The following TECRL variants were observed in gnomAD, a reference collection of about 807,000 sequenced individuals.
TECRL encodes trans-2,3-enoyl-CoA reductase-like.
A neutral mutation model predicts 52.8 loss-of-function variants in TECRL; 63 were observed. The observed-to-expected ratio is 1.19, with a 90% CI of 0.97 to 1.47. TECRL has a LOEUF of 1.47. TECRL is among the 40% of genes most tolerant of loss of function. The pLI is 0.00. For synonymous variants in TECRL, 164 were observed against 141.9 expected, an observed-to-expected ratio of 1.16 and a Z score of -1.10; for missense variants, 482 against 429.6, an observed-to-expected ratio of 1.12 and a Z score of -1.08.
chr4:64,402,970 T>A (rs1213297287), intron 1 of TECRL, among the ~76,000 whole-genome samples: 2 of 152,098 alleles, frequency 1.3e-5, no homozygotes, highest in Non-Finnish European at 2.9e-5. Context: ...ATATAAGGGA[T>A]ACTTATTGCA....
intron 2 of TECRL, among the ~76,000 whole-genome samples, chr4:64,346,069 C>G: frequency 6.6e-6 from 1 of 151,932 alleles, no homozygotes; most frequent in Non-Finnish European, 1.5e-5. Context: ...ACATTCTTTC[C>G]AGACAAATTT....
intron 11 of TECRL, 145 bp downstream of exon 11, chr4:64,280,896 A>G (rs1162523662): frequency 6.5e-6 from 3 of 464,966 alleles, no homozygotes; most frequent in African/African-American, 6.1e-5. Context: ...ATATTTTAAT[A>G]CTGCTAAAAA....
chr4:64,378,097 T>C (rs1722525908), intron 1 of TECRL, among the ~76,000 whole-genome samples: 1 of 152,030 alleles, frequency 6.6e-6, no homozygotes, highest in Non-Finnish European at 1.5e-5. Flanking sequence ...TAATTAGATA[T>C]AGTGGTGTGA....
intron 1 of TECRL, among the ~76,000 whole-genome samples, chr4:64,393,265 C>T (rs1560554746): frequency 6.6e-6 from 1 of 151,950 alleles, no homozygotes; most frequent in Non-Finnish European, 1.5e-5. Context: ...ACATGCATCA[C>T]TTAGTTTTAC....
chr4:64,352,049 CTTAAG>C (rs1458321296), intron 2 of TECRL, among the ~76,000 whole-genome samples: 2 of 152,120 alleles, frequency 1.3e-5, no homozygotes, highest in African/African-American at 2.4e-5. Flanking sequence ...TTTTCCAATT[CTTAAG>C]TTAAAACTAT....
chr4:64,296,735 A>G (rs1723707912), intron 8 of TECRL, among the ~76,000 whole-genome samples: 1 of 151,622 alleles, frequency 6.6e-6, no homozygotes, highest in African/African-American at 2.4e-5. Flanking sequence ...TGATTTTGGT[A>G]TTTTTATTTG....
At chr4:64,345,685 A>G (rs187287436) in intron 2 of TECRL, among the ~76,000 whole-genome samples, 505 of 151,818 alleles carry the variant, frequency 3.3e-3, no homozygotes, top group African/African-American at 0.012. Flanking sequence ...ATGTACCCTA[A>G]AACTTAAAGT....
intron 2 of TECRL, among the ~76,000 whole-genome samples, chr4:64,341,941 A>G (rs1577903317): frequency 6.6e-6 from 1 of 152,066 alleles, no homozygotes; most frequent in African/African-American, 2.4e-5. Context: ...TCACTCACAC[A>G]CCCTTTGTCA....
chr4:64,406,162 G>A (rs567143966), intron 1 of TECRL, among the ~76,000 whole-genome samples: 6,630 of 149,576 alleles, frequency 0.044, 510 homozygotes, highest in African/African-American at 0.15. Context: ...GCGCGCGCGC[G>A]CGCGTGTGTG....
In TECRL at chr4:64,322,682, CACTT is replaced by C. The variant is rs1163891234; in HGVS notation, c.435+3_435+6del. ...AAATGTATATTACATTTCAAATTAA[CACTT>C]ACTGTGGTCCAACTGACTTGTTGAC... On this transcript the variant is annotated splice_donor_5th_base_variant and intron_variant, in intron 4 of 11. Transcript: ENST00000381210. The C allele has an allele frequency of 6.4e-7, 1 of 1,572,340 alleles. No homozygotes were observed. The highest frequency in any genetic ancestry group is 1.4e-5 in the African/African-American group (1 of 73,274).
chr4:64,398,983 CG>C (rs1724157300), intron 1 of TECRL, among the ~76,000 whole-genome samples: 1 of 152,102 alleles, frequency 6.6e-6, no homozygotes, highest in Non-Finnish European at 1.5e-5. Context: ...CCTAGGGATC[CG>C]TGGAACTTTA....
intron 9 of TECRL, among the ~76,000 whole-genome samples, chr4:64,288,149 T>TAA (rs377628980): frequency 2.9e-5 from 4 of 135,680 alleles, no homozygotes; most frequent in South Asian, 2.3e-4. Flanking sequence ...GACTCCATCT[T>TAA]AAAAAAAAAA....
chr4:64,358,682 T>G (rs1720957530), intron 2 of TECRL, among the ~76,000 whole-genome samples: 1 of 151,688 alleles, frequency 6.6e-6, no homozygotes, highest in Admixed American at 6.6e-5. Flanking sequence ...AAAAATAAAC[T>G]CATTGTATTG....
chr4:64,358,865 A>G (rs765806640), intron 2 of TECRL, among the ~76,000 whole-genome samples: 3 of 151,864 alleles, frequency 2.0e-5, no homozygotes, highest in Non-Finnish European at 4.4e-5. Context: ...TTATCACAGG[A>G]GGAATCTAAG....
intron 1 of TECRL, among the ~76,000 whole-genome samples, chr4:64,391,481 T>G (rs913571691): frequency 6.6e-6 from 1 of 151,890 alleles, no homozygotes; most frequent in Non-Finnish European, 1.5e-5. Flanking sequence ...GGCAAAAAAC[T>G]GTGTCTACCC....
At chr4:64,363,558 G>T (rs1194085537) in intron 2 of TECRL, among the ~76,000 whole-genome samples, 1 of 152,090 alleles carries the variant, frequency 6.6e-6, no homozygotes, top group Non-Finnish European at 1.5e-5. Flanking sequence ...CTCACATTCT[G>T]TATTTGTCCC....
intron 1 of TECRL, among the ~76,000 whole-genome samples, chr4:64,387,432 C>A (rs1185786318): frequency 2.0e-5 from 3 of 152,088 alleles, no homozygotes; most frequent in Non-Finnish European, 4.4e-5. Flanking sequence ...TACCAAGGAG[C>A]ATGACTGCTG....
intron 1 of TECRL, among the ~76,000 whole-genome samples, chr4:64,391,250 C>T (rs900019661): frequency 4.6e-5 from 7 of 151,780 alleles, no homozygotes; most frequent in African/African-American, 1.7e-4. Flanking sequence ...CTTTGGTGAT[C>T]CTATGTAAAA....
intron 1 of TECRL, among the ~76,000 whole-genome samples, chr4:64,382,732 A>T (rs1053350115): frequency 6.6e-6 from 1 of 152,084 alleles, no homozygotes; most frequent in Admixed American, 6.6e-5. Flanking sequence ...GATACAACTT[A>T]TTCCTGTGAT....
Sources: allele counts gnomAD v4.1 joint callset (sites outside exome capture counted in the v4.1 genomes callset), GRCh38; gene constraint gnomAD v4.1.1; transcripts MANE v1.5; gene names NCBI Gene and HGNC (gene_info 2026-07-23, HGNC 2026-07-21).